STRA6: variants seen among roughly 807,000 people sequenced by gnomAD.
STRA6 encodes receptor for retinol uptake STRA6.
A neutral mutation model predicts 83.6 loss-of-function variants in STRA6; 48 were observed. The ratio of observed to expected loss-of-function variants is 0.57; its 90% CI spans 0.46 to 0.73. The LOEUF is 0.73. Among genes scored for constraint, STRA6 ranks in the 30% least tolerant of loss-of-function variants. The probability of loss-of-function intolerance (pLI) is 0.00; values close to 1 mark genes in which losing one functional copy is unlikely to be tolerated. For missense variants in STRA6, 760 were observed against 838.8 expected (o/e 0.91, Z 1.16); for synonymous variants, 353 against 362.3 (o/e 0.97, Z 0.29).
At chr15:74,201,008 C>G (rs1038221423) in intron 2 of STRA6, among the ~76,000 whole-genome samples, 3 of 152,244 alleles carry the variant, frequency 2.0e-5, no homozygotes, top group African/African-American at 4.8e-5. Context: ...ATTCTGGTCT[C>G]TCGCAGGCCA....
chr15:74,190,926 T>C (rs774286274), intron 10 of STRA6, 25 bp from the exon 11 acceptor site: 7 of 1,613,998 alleles, frequency 4.3e-6, no homozygotes, highest in African/African-American at 2.7e-5. Flanking sequence ...GGAAGGAGTA[T>C]GGTGAACAGC....
At chr15:74,198,201 G>A (rs1225478417) in intron 2 of STRA6, among the ~76,000 whole-genome samples, 1 of 151,848 alleles carries the variant, frequency 6.6e-6, no homozygotes, top group Non-Finnish European at 1.5e-5. Context: ...CAGCCTCCTG[G>A]GCTCAAAAGA....
rs748531534 is a variant in STRA6, at chr15:74,180,072, C to T, written c.*8G>A. On this transcript the variant is annotated 3_prime_UTR_variant, in exon 19 of 19. Coordinates refer to ENST00000395105, the MANE Select transcript of STRA6 (RefSeq NM_022369.4). ...ACAGATGGGCAGGTGGGTTGACCTTCCCTGCCCTCAGGGCTGGGCACCATT... is the reference window on the plus strand; with the variant it reads ...ACAGATGGGCAGGTGGGTTGACCTTTCCTGCCCTCAGGGCTGGGCACCATT... 5.0e-6 allele frequency: 8 copies of T among 1,611,852 alleles called. No homozygotes were observed. In the South Asian group the frequency reaches 6.6e-5, roughly 13 times the overall value.
rs2073817696 is a variant in STRA6 at position 74,196,278 on chromosome 15, T to C, written c.267-131A>G. ...TTCTAGATGGGGGAATAAGGCCCCT[T>C]CATTCATTCATTCCATAGATATTTG... On this transcript the variant is annotated intron_variant, in intron 4 of 18. Transcript: ENST00000395105. 2.8e-5 allele frequency: 37 copies of C among 1,330,698 alleles called. No homozygotes were observed. The East Asian group carries it at 9.3e-4, about 33-fold the overall frequency. 82.4% of individuals were successfully genotyped at this position (1,330,698 alleles called of 1,614,324 possible).
At position 74,202,204 on chromosome 15, in the gene STRA6, T is replaced by A; in HGVS notation, c.64A>T (p.Ser22Cys). Residue 22 changes from serine to cysteine, a missense_variant, in exon 2 of 19, where the codon AGC becomes TGC. Physicochemically the swap from Ser to Cys is moderately radical, Grantham distance 112. Coordinates refer to ENST00000395105, the MANE Select transcript of STRA6 (RefSeq NM_022369.4). ...PGATEDYSYG[S>C]WYIDEPQGGE... ...CCCTGGGGCTCATCGATGTACCAGC[T>A]GCCATAGGAGTAGTCCTCTGTGGCC... is the stretch of plus-strand genomic sequence containing the variant. 2 of 1,520,884 alleles carry A rather than the reference T, an allele frequency of 1.3e-6. No individual in the cohort carries two copies. Among genetic ancestry groups the A allele is most frequent in the Non-Finnish European group, 1.8e-6 (2 of 1,137,850 alleles). The allele number at this position is 1,520,884 out of a possible 1,614,324, so 94.2% of individuals were successfully genotyped here. A position where few individuals can be genotyped will look rare whatever the true frequency, so the allele number is the denominator to read the frequency against.
chr15:74,208,749 C>T (rs973483995), intron 1 of STRA6: 5 of 988,746 alleles, frequency 5.1e-6, no homozygotes, highest in Non-Finnish European at 6.0e-6. Flanking sequence ...TCTCGCTGTT[C>T]CCCGACCTGT....
At chr15:74,200,737 T>C (rs1567198057) in intron 2 of STRA6, among the ~76,000 whole-genome samples, 1 of 152,234 alleles carries the variant, frequency 6.6e-6, no homozygotes, top group Non-Finnish European at 1.5e-5. Context: ...CTCTTTATTC[T>C]TATGGATGTC....
intron 8 of STRA6, chr15:74,191,889 A>T (rs531758226): frequency 3.7e-5 from 13 of 350,108 alleles, no homozygotes; most frequent in South Asian, 3.3e-4. Flanking sequence ...CAGGACACAG[A>T]AGAGGGTCAT....
In STRA6 at chr15:74,179,798, C is replaced by G. The variant is rs1030989747; in HGVS notation, c.*282G>C. On this transcript the variant is annotated 3_prime_UTR_variant, in exon 19 of 19. Transcript: ENST00000395105. ...ATGGCAGAGCCAGGGTAGGGAGACG[C>G]CTGGATGTGGCTGCCCTGGCTCAAC... 4.7e-6 allele frequency: 2 copies of G among 429,714 alleles called. No individual in the cohort carries two copies. The highest frequency in any genetic ancestry group is 8.5e-6 in the Non-Finnish European group (2 of 236,212). The allele number at this position is 429,714 out of a possible 1,614,324, so 26.6% of individuals were successfully genotyped here. A position where few individuals can be genotyped will look rare whatever the true frequency, so the allele number is the denominator to read the frequency against.
At position 74,179,895 on chromosome 15, in the gene STRA6, G is replaced by A; in HGVS notation, c.*185C>T. On this transcript the variant is annotated 3_prime_UTR_variant, in exon 19 of 19. Coordinates refer to ENST00000395105, the MANE Select transcript of STRA6 (RefSeq NM_022369.4). Reference sequence around the variant, plus strand: ...CCCCTGCTGGCTCTCCCATAGCCAAGTGGGTGGAGCAGAGCCCTCCTGAGG... The same window carrying A: ...CCCCTGCTGGCTCTCCCATAGCCAAATGGGTGGAGCAGAGCCCTCCTGAGG... 1 of 746,398 alleles carries A rather than the reference G, an allele frequency of 1.3e-6. No individual in the cohort carries two copies. Among genetic ancestry groups the A allele is most frequent in the Non-Finnish European group, 2.1e-6 (1 of 468,494 alleles). 46.2% of individuals were successfully genotyped at this position (746,398 alleles called of 1,614,324 possible).
chr15:74,181,400 T>G lies in STRA6; in HGVS notation c.1579A>C (p.Met527Leu). 6.2e-7 allele frequency: 1 copy of G among 1,613,142 alleles called. No individual in the cohort carries two copies. Among genetic ancestry groups the G allele is most frequent in the Non-Finnish European group, 8.5e-7 (1 of 1,179,616 alleles). ...LFPLNVLVGA[M>L]VATWRVLLSA... Reference sequence around the variant, plus strand: ...AGGAGCACTCGCCAGGTGGCCACCATGGCACCCACCAGCACATTGAGGGGG... The same window carrying G: ...AGGAGCACTCGCCAGGTGGCCACCAGGGCACCCACCAGCACATTGAGGGGG... The change falls in exon 17 of 19, where the codon ATG becomes CTG. Residue 527 changes from methionine (M) to leucine (L), a missense_variant. Physicochemically the swap from Met to Leu is conservative, Grantham distance 15. Coordinates refer to ENST00000395105, the MANE Select transcript of STRA6 (RefSeq NM_022369.4).
intron 8 of STRA6, among the ~76,000 whole-genome samples, chr15:74,192,694 C>A (rs1232744790): frequency 1.3e-5 from 2 of 152,208 alleles, no homozygotes; most frequent in Non-Finnish European, 2.9e-5. Context: ...TCCCATCAAG[C>A]CTTTCCTTCC....
At chr15:74,180,598 G>A (rs2072926743) in intron 18 of STRA6, among the ~76,000 whole-genome samples, 184 bp downstream of exon 18, 1 of 152,196 alleles carries the variant, frequency 6.6e-6, no homozygotes, top group African/African-American at 2.4e-5. Context: ...GTGTGTATGT[G>A]TGTGTTCATA....
chr15:74,195,857 G>A, intron 5 of STRA6, 151 bp downstream of exon 5: 2 of 1,155,494 alleles, frequency 1.7e-6, no homozygotes, highest in Non-Finnish European at 2.4e-6. Flanking sequence ...AAGACTGGAT[G>A]GTCTAAAAAG....
chr15:74,195,766 A>C (rs1299480699), intron 5 of STRA6, 91 bp from the exon 6 acceptor site: 26 of 882,686 alleles, frequency 2.9e-5, no homozygotes, highest in Non-Finnish European at 4.3e-5. Flanking sequence ...GCAAATACTC[A>C]ATTTAAGATA....
chr15:74,205,991 C>T (rs2074253395), upstream of STRA6, among the ~76,000 whole-genome samples: 1 of 152,206 alleles, frequency 6.6e-6, no homozygotes, highest in Non-Finnish European at 1.5e-5. Context: ...GTTGGGGAGG[C>T]CACCTAGCCG....
At chr15:74,187,424 T>C (rs1567183184) in intron 12 of STRA6, among the ~76,000 whole-genome samples, 1 of 152,092 alleles carries the variant, frequency 6.6e-6, no homozygotes, top group Non-Finnish European at 1.5e-5. Context: ...CCAGCACTCA[T>C]TTTGCAGTTG....
chr15:74,183,414 T>G, intron 14 of STRA6: 1 of 708,150 alleles, frequency 1.4e-6, no homozygotes, highest in Non-Finnish European at 1.8e-6. Flanking sequence ...CCCGGCTAAT[T>G]TTTGTATTTT....
intron 8 of STRA6, 140 bp from the exon 9 acceptor site, chr15:74,191,631 T>C (rs1052188415): frequency 4.7e-5 from 35 of 752,292 alleles, no homozygotes; most frequent in Admixed American, 3.9e-4. Context: ...TGAGTGTGGA[T>C]GGGGCTGACC....
Sources: allele counts gnomAD v4.1 joint callset (sites outside exome capture counted in the v4.1 genomes callset), GRCh38; gene constraint gnomAD v4.1.1; transcripts MANE v1.5; gene names NCBI Gene and HGNC (gene_info 2026-07-23, HGNC 2026-07-21).